Variants in OPLAH observed in about 807,000 individuals in gnomAD.
OPLAH encodes 5-oxoprolinase, ATP-hydrolysing.
In OPLAH, 103 loss-of-function variants were observed where a neutral mutation model predicts 122.8. The ratio of observed to expected loss-of-function variants is 0.84; its 90% CI spans 0.71 to 0.99. OPLAH has a LOEUF of 0.99. Among genes scored for constraint, OPLAH ranks in the 50% least tolerant of loss-of-function variants. The pLI, the probability that OPLAH is intolerant of heterozygous loss-of-function variation, is 0.00. For missense variants in OPLAH, 1,902 were observed against 1,836.5 expected (o/e 1.04, Z -0.65); for synonymous variants, 875 against 796.0 (o/e 1.10, Z -1.67).
At position 144,057,312 on chromosome 8, in the gene OPLAH, G is replaced by T. The variant is rs370128920; in HGVS notation, c.1431C>A (p.Gly477=). ...CCAGCACATGGGCTGAGGGGTCATG[G>T]CCTCTTGCCTAGGGAGACAGAAGGG... ...RPIRALTQAR[G]HDPSAHVLAC... The change falls in exon 11 of 27, where the codon GGC becomes GGA. Residue 477 remains glycine (G), a synonymous_variant. Transcript: ENST00000618853. 1.9e-6 allele frequency: 3 copies of T among 1,611,430 alleles called. No individual in the cohort carries two copies. The African/African-American group carries it at 4.0e-5, about 22-fold the overall frequency.
Position 144,059,034 on chromosome 8 carries a change from C to T in OPLAH, c.409G>A (p.Asp137Asn). Residue 137 changes from aspartate to asparagine, a missense_variant, in exon 4 of 27, where the codon GAC becomes AAC. Coordinates refer to ENST00000618853, the MANE Select transcript of OPLAH (RefSeq NM_017570.5). ...EVLYEEVLEV[D>N]ERVVLHRGEA... The stretch of plus-strand genomic sequence containing the variant: ...CCACGGTGCAGCACCACGCGTTCGT[C>T]CACCTCCAGCACCTCTTCATACAGC... The T allele has an allele frequency of 1.3e-6, 2 of 1,590,204 alleles. No homozygotes were observed. The highest frequency in any genetic ancestry group is 2.3e-5 in the South Asian group (2 of 87,100).
chr8:144,051,850 A>G, intron 25 of OPLAH, 24 bp from the exon 26 acceptor site: 1 of 944,202 alleles, frequency 1.1e-6, no homozygotes, highest in Non-Finnish European at 1.4e-6. Context: ...CGAGGAGTCC[A>G]GAGAGACCAG....
chr8:144,059,395 TGGC>T (rs781943302), intron 3 of OPLAH, among the ~76,000 whole-genome samples: 5 of 152,168 alleles, frequency 3.3e-5, no homozygotes, highest in Admixed American at 6.5e-5. Context: ...AGGGTGGGCA[TGGC>T]GGCAGGCAGG....
Position 144,051,941 on chromosome 8 carries a change from G to T in OPLAH, c.3597C>A (p.Arg1199=), listed in dbSNP as rs1554757765. The change falls in exon 25 of 27, where the codon CGC becomes CGA. Residue 1199 remains arginine (R), a synonymous_variant. Coordinates refer to ENST00000618853, the MANE Select transcript of OPLAH (RefSeq NM_017570.5). ...EALLSVLTER[R]AFRPYGLHGG... is the part of the protein sequence containing the mutation. ...CGTGGAGCCCGTATGGCCGGAAGGC[G>T]CGGCGCTCGGTCAGCACTGACAGCA... The T allele has an allele frequency of 6.5e-7, 1 of 1,545,810 alleles. No homozygotes were observed. The highest frequency in any genetic ancestry group is 8.7e-7 in the Non-Finnish European group (1 of 1,153,702).
In OPLAH at chr8:144,052,891, C is replaced by T; in HGVS notation, c.3028G>A (p.Val1010Met). The T allele has an allele frequency of 6.4e-7, 1 of 1,555,084 alleles. No homozygotes were observed. The highest frequency in any genetic ancestry group is 1.9e-5 in the Admixed American group (1 of 51,364). ...GGCCCAGTGCCGCTGAAGTCAAACACGGCGCTGCCCTGCGCGCCCCGAGGG... is the reference window on the plus strand; with the variant it reads ...GGCCCAGTGCCGCTGAAGTCAAACATGGCGCTGCCCTGCGCGCCCCGAGGG... Reference protein sequence around the residue: ...VQISLSQGSAVFDFSGTGPEV... With the variant: ...VQISLSQGSAMFDFSGTGPEV... Residue 1010 changes from valine to methionine, a missense_variant, in exon 22 of 27, where the codon GTG becomes ATG. Physicochemically the swap from Val to Met is conservative, Grantham distance 21. Coordinates refer to ENST00000618853, the MANE Select transcript of OPLAH (RefSeq NM_017570.5).
At position 144,052,467 on chromosome 8, in the gene OPLAH, C is replaced by G; in HGVS notation, c.3285G>C (p.Gly1095=). The change falls in exon 23 of 27, where the codon GGG becomes GGC. Residue 1095 remains glycine, a synonymous_variant. Coordinates refer to ENST00000618853, the MANE Select transcript of OPLAH (RefSeq NM_017570.5). The stretch of plus-strand genomic sequence containing the variant: ...CCCGCACCTGGGAGGCGGCGCAGGC[C>G]CCAAAGGCCCCCAGGATGACATCCA... ...RVVDVILGAF[G]ACAASQGCMN... 1 of 1,545,988 alleles carries G rather than the reference C, an allele frequency of 6.5e-7. No homozygotes were observed. Among genetic ancestry groups the G allele is most frequent in the Non-Finnish European group, 8.7e-7 (1 of 1,151,644 alleles).
Position 144,058,559 on chromosome 8 carries a change from G to A in OPLAH, c.720C>T (p.Tyr240=), listed in dbSNP as rs781787426. 5 of 1,600,802 alleles carry A rather than the reference G, an allele frequency of 3.1e-6. No individual in the cohort carries two copies. The Admixed American group carries it at 6.7e-5, about 21-fold the overall frequency. The stretch of plus-strand genomic sequence containing the variant: ...CGTAGCGCTGGATGGCGGGCGTGAG[G>A]TAGGCGTCGGCACAGGCCGTGTGCC... ...PRGHTACADA[Y]LTPAIQRYVQ... Residue 240 remains tyrosine (Y), a synonymous_variant, in exon 6 of 27, where the codon TAC becomes TAT. Coordinates refer to ENST00000618853, the MANE Select transcript of OPLAH (RefSeq NM_017570.5).
rs1450091725 is a variant in OPLAH, at chr8:144,051,474, T to A, written c.3721-2A>T. The A allele has an allele frequency of 4.5e-6, 4 of 897,828 alleles. No individual in the cohort carries two copies. The highest frequency in any genetic ancestry group is 5.8e-6 in the Non-Finnish European group (4 of 685,360). The allele number at this position is 897,828 out of a possible 1,614,324, so 55.6% of individuals were successfully genotyped here. A position where few individuals can be genotyped will look rare whatever the true frequency, so the allele number is the denominator to read the frequency against. ...GGGCGTGTGGAGACAGAACACATCC[T>A]GTTGGCGCGGGGGGGGGCGGGGAGG... On this transcript the variant is annotated splice_acceptor_variant, in intron 26 of 26. Coordinates refer to ENST00000618853, the MANE Select transcript of OPLAH (RefSeq NM_017570.5). LOFTEE classifies it high-confidence loss of function.
At position 144,052,339 on chromosome 8, in the gene OPLAH, C is replaced by T. The variant is rs1554757883; in HGVS notation, c.3304-13G>A. On this transcript the variant is annotated splice_polypyrimidine_tract_variant and intron_variant, in intron 23 of 26. Transcript: ENST00000618853. ...TGTTCATGCAGCCCTGGTGAGGGCA[C>T]CTGGTCGCTGCGCTGGGCTGGGGCA... is the stretch of plus-strand genomic sequence containing the variant. The T allele has an allele frequency of 6.6e-7, 1 of 1,514,648 alleles. No homozygotes were observed. Among genetic ancestry groups the T allele is most frequent in the South Asian group, 1.2e-5 (1 of 81,548 alleles). The allele number at this position is 1,514,648 out of a possible 1,614,324, so 93.8% of individuals were successfully genotyped here.
chr8:144,055,661 G>A lies in OPLAH; in HGVS notation c.2248+127C>T, dbSNP rs782216895. On this transcript the variant is annotated intron_variant, in intron 16 of 26. Transcript: ENST00000618853. The surrounding 1 kb of genome is among the most constrained non-coding windows in gnomAD (Gnocchi z 6.5). Reference sequence around the variant, plus strand: ...GCCAACTGCACCACACCAGTGCTGCGGCCACACTGCCCGCCCCGTCGCCAG... The same window carrying A: ...GCCAACTGCACCACACCAGTGCTGCAGCCACACTGCCCGCCCCGTCGCCAG... 4.0e-4 allele frequency: 470 copies of A among 1,181,272 alleles called. No individual in the cohort carries two copies. The highest frequency in any genetic ancestry group is 4.8e-4 in the Non-Finnish European group (425 of 882,858). 73.2% of individuals were successfully genotyped at this position (1,181,272 alleles called of 1,614,324 possible). A position where few individuals can be genotyped will look rare whatever the true frequency, so the allele number is the denominator to read the frequency against.
At chr8:144,058,426 G>C (rs372393636) in intron 6 of OPLAH, 22 bp from the exon 7 acceptor site, 1 of 1,585,562 alleles carries the variant, frequency 6.3e-7, no homozygotes, top group East Asian at 2.3e-5. Context: ...CAGCAGGCGG[G>C]CCATGAGGGG....
chr8:144,061,016 T>TGGAGG (rs1835653929), upstream of OPLAH, among the ~76,000 whole-genome samples: 1 of 152,140 alleles, frequency 6.6e-6, no homozygotes, highest in African/African-American at 2.4e-5. Context: ...TCCTTCCCCG[T>TGGAGG]GGAGGGGGCG....
At chr8:144,050,545 G>C (rs935443192), downstream of OPLAH, 10 of 985,556 alleles carry the variant, frequency 1.0e-5, no homozygotes, top group East Asian at 1.1e-4. Flanking sequence ...GCAGACCACC[G>C]GCTAGAGCAG....
rs782393524 is a variant in OPLAH, at chr8:144,059,788, C to A, written c.174G>T (p.Glu58Asp). 6.2e-7 allele frequency: 1 copy of A among 1,608,328 alleles called. No homozygotes were observed. Among genetic ancestry groups the A allele is most frequent in the East Asian group, 2.2e-5 (1 of 44,810 alleles). The change falls in exon 3 of 27, where the codon GAG becomes GAT. Residue 58 changes from glutamate to aspartate, a missense_variant and splice_region_variant. Around this residue, in one of 3 missense-constraint regions of OPLAH, gnomAD observed 168 missense variants for 170.6 expected, o/e 0.98. Coordinates refer to ENST00000618853, the MANE Select transcript of OPLAH (RefSeq NM_017570.5). ...TEGIRRILEQ[E>D]AGMLLPRDQP... ...GGTCCCGGGGCAGGAGCATGCCGGC[C>A]TCCTGGGGACCACGTGGTCAGTGTG...
At position 144,052,823 on chromosome 8, in the gene OPLAH, CA is replaced by C; in HGVS notation, c.3095del (p.Leu1032ArgfsTer73). The C allele has an allele frequency of 6.4e-7, 1 of 1,559,758 alleles. No homozygotes were observed. Among genetic ancestry groups the C allele is most frequent in the Non-Finnish European group, 8.7e-7 (1 of 1,152,842 alleles). ...GNLNAPRAVT[L>X]SALIYCLRCL... ...AGCGCAGGCAGTAGATGAGGGCGGACAGGGTTACGGCCCGCGGTGCGTTGAG... is the reference window on the plus strand; with the variant it reads ...AGCGCAGGCAGTAGATGAGGGCGGACGGGTTACGGCCCGCGGTGCGTTGAG... On this transcript the variant is annotated frameshift_variant, in exon 22 of 27. Transcript: ENST00000618853. LOFTEE classifies it high-confidence loss of function.
In OPLAH at chr8:144,056,025, C is replaced by T. The variant is rs1835504592; in HGVS notation, c.2097-86G>A. 2.1e-5 allele frequency: 32 copies of T among 1,491,028 alleles called. 2 individuals are homozygous for T. In the South Asian group the frequency reaches 4.1e-4, roughly 19 times the overall value. 92.4% of individuals were successfully genotyped at this position (1,491,028 alleles called of 1,614,324 possible). ...TGCCACGGCCCCAGGCCAGGGGCCA[C>T]CCCAACGATGGTGGGATACAGAGTC... On this transcript the variant is annotated intron_variant, in intron 15 of 26. Coordinates refer to ENST00000618853, the MANE Select transcript of OPLAH (RefSeq NM_017570.5).
At chr8:144,056,356 G>A in intron 14 of OPLAH, 29 bp downstream of exon 14, 3 of 1,596,396 alleles carry the variant, frequency 1.9e-6, no homozygotes, top group Non-Finnish European at 2.6e-6. Flanking sequence ...CATGGGTGCT[G>A]TCAGGCTGGC....
chr8:144,058,478 G>A lies in OPLAH; in HGVS notation c.783+18C>T. 1.9e-6 allele frequency: 3 copies of A among 1,576,004 alleles called. No homozygotes were observed. The highest frequency in any genetic ancestry group is 1.1e-5 in the South Asian group (1 of 88,272). On this transcript the variant is annotated intron_variant, in intron 6 of 26. Transcript: ENST00000618853. ...CCCAGGCCCAGGAGTGGGCAGTGGG[G>A]GTGCCTCACAGCCTCACCTTGAGTT...
Position 144,051,768 on chromosome 8 carries a change from C to T in OPLAH, c.3681G>A (p.Val1227=). 1.2e-6 allele frequency: 2 copies of T among 1,607,774 alleles called. No individual in the cohort carries two copies. The highest frequency in any genetic ancestry group is 1.7e-6 in the Non-Finnish European group (2 of 1,178,606). ...TCACCGACGTCTTGCCGCCCAGATTCACCGTCCGGCCGTTTTTGCGGATCA... is the reference window on the plus strand; with the variant it reads ...TCACCGACGTCTTGCCGCCCAGATTTACCGTCCGGCCGTTTTTGCGGATCA... ...NLLIRKNGRT[V]NLGGKTSVTV... The change falls in exon 26 of 27, where the codon GTG becomes GTA. Residue 1227 remains valine, a synonymous_variant. Coordinates refer to ENST00000618853, the MANE Select transcript of OPLAH (RefSeq NM_017570.5).
Sources: allele counts gnomAD v4.1 joint callset (sites outside exome capture counted in the v4.1 genomes callset), GRCh38; gene constraint gnomAD v4.1.1; regional missense constraint gnomAD v4.1.1; non-coding constraint Gnocchi (gnomAD v3.1); transcripts MANE v1.5; gene names NCBI Gene and HGNC (gene_info 2026-07-23, HGNC 2026-07-21).